The following SCEL variants were observed in gnomAD, a reference collection of about 807,000 sequenced individuals.
The protein encoded by SCEL is sciellin.
In SCEL, 113 loss-of-function variants were observed where a neutral mutation model predicts 117.6. The ratio of observed to expected loss-of-function variants is 0.96; its 90% CI spans 0.83 to 1.12. The LOEUF is 1.12. SCEL is among the 50% of genes most tolerant of loss of function. SCEL has a pLI of 0.00. For missense variants in SCEL, 785 were observed against 810.8 expected (o/e 0.97, Z 0.39); for synonymous variants, 270 against 256.2 (o/e 1.05, Z -0.51).
intron 5 of SCEL, among the ~76,000 whole-genome samples, chr13:77,564,897 C>T (rs1377142343): frequency 2.6e-5 from 4 of 152,162 alleles, no homozygotes; most frequent in Non-Finnish European, 5.9e-5. Context: ...TGGTCTTTCT[C>T]TTTTAAAAAT....
At chr13:77,593,295 T>TGTGTGTGTGTGTGCGCGCGC (rs796907419) in intron 11 of SCEL, among the ~76,000 whole-genome samples, 4 of 136,884 alleles carry the variant, frequency 2.9e-5, no homozygotes, top group South Asian at 4.8e-4. Context: ...TGTGTGTGTG[T>TGTGTGTGTGTGTGCGCGCGC]GTCTGTGTGT....
intron 31 of SCEL, among the ~76,000 whole-genome samples, chr13:77,641,751 T>C (rs1046344363): frequency 6.6e-6 from 1 of 152,168 alleles, no homozygotes; most frequent in Non-Finnish European, 1.5e-5. Flanking sequence ...AATGATCAAA[T>C]CCAGTCAAAG....
intron 1 of SCEL, among the ~76,000 whole-genome samples, chr13:77,541,197 A>G (rs897940305): frequency 2.0e-5 from 3 of 152,206 alleles, no homozygotes; most frequent in Non-Finnish European, 4.4e-5. Context: ...AGAAATCAGT[A>G]AGAAATATAT....
intron 1 of SCEL, among the ~76,000 whole-genome samples, chr13:77,553,537 C>T (rs1233661064): frequency 6.6e-6 from 1 of 152,154 alleles, no homozygotes; most frequent in African/African-American, 2.4e-5. Flanking sequence ...ACTAGTTGAG[C>T]TTTAAGTTTG....
intron 1 of SCEL, among the ~76,000 whole-genome samples, chr13:77,547,084 A>G (rs1268673574): frequency 6.6e-6 from 1 of 152,198 alleles, no homozygotes; most frequent in Non-Finnish European, 1.5e-5. Flanking sequence ...AATGGATATC[A>G]GATATGCAAT....
chr13:77,567,789 T>C lies in SCEL; in HGVS notation c.359+41T>C, dbSNP rs764844863. ...AACTATGGGAAAGGCTCAAGTATAA[T>C]ATTTTTCTAAGTGTTACCTATGTAC... On this transcript the variant is annotated intron_variant, in intron 6 of 32. Transcript: ENST00000349847. The C allele has an allele frequency of 3.8e-6, 5 of 1,309,760 alleles. No individual in the cohort carries two copies. The South Asian group carries it at 6.6e-5, about 17-fold the overall frequency. The allele number at this position is 1,309,760 out of a possible 1,614,324, so 81.1% of individuals were successfully genotyped here.
chr13:77,620,158 T>C (rs1460484146), intron 27 of SCEL, among the ~76,000 whole-genome samples: 2 of 152,204 alleles, frequency 1.3e-5, no homozygotes, highest in African/African-American at 4.8e-5. Flanking sequence ...TTTAGTAGTA[T>C]GCCAGATTTG....
intron 11 of SCEL, among the ~76,000 whole-genome samples, chr13:77,592,777 C>T (rs1046901599): frequency 6.6e-6 from 1 of 151,996 alleles, no homozygotes; most frequent in Admixed American, 6.6e-5. Context: ...GATGCCCAGG[C>T]TAATCTTAAA....
intron 15 of SCEL, among the ~76,000 whole-genome samples, chr13:77,601,427 C>T (rs1008738107): frequency 1.3e-5 from 2 of 152,016 alleles, no homozygotes; most frequent in African/African-American, 2.4e-5. Context: ...AGTCTTATCA[C>T]AGAGAAATCA....
At chr13:77,554,120 CA>C (rs1002022881) in intron 1 of SCEL, among the ~76,000 whole-genome samples, 12 of 152,190 alleles carry the variant, frequency 7.9e-5, no homozygotes, top group African/African-American at 2.4e-4. Flanking sequence ...GGGAGTGAGG[CA>C]GGGGGAGGCC....
chr13:77,616,002 CTCTG>C (rs200195605), intron 24 of SCEL, among the ~76,000 whole-genome samples: 18,209 of 141,726 alleles, frequency 0.13, 1,859 homozygotes, highest in East Asian at 0.44. Context: ...ATTTATGTCT[CTCTG>C]TGTGTGTGTG....
At chr13:77,637,922 C>A (rs1475511499) in intron 30 of SCEL, among the ~76,000 whole-genome samples, 1 of 152,094 alleles carries the variant, frequency 6.6e-6, no homozygotes, top group Non-Finnish European at 1.5e-5. Flanking sequence ...CAGTGGAGCA[C>A]CTAGGTGACA....
chr13:77,635,357 G>A (rs1027417378), intron 29 of SCEL, among the ~76,000 whole-genome samples: 1 of 152,066 alleles, frequency 6.6e-6, no homozygotes, highest in African/African-American at 2.4e-5. Context: ...AAACACTAAG[G>A]AGTTACTAAA....
chr13:77,575,041 C>T (rs542227174), intron 9 of SCEL, among the ~76,000 whole-genome samples: 42 of 152,158 alleles, frequency 2.8e-4, no homozygotes, highest in Non-Finnish European at 5.1e-4. Flanking sequence ...ATCAAACTTC[C>T]CTGTCATCCA....
At chr13:77,613,269 A>C (rs1277334688) in intron 23 of SCEL, among the ~76,000 whole-genome samples, 1 of 152,212 alleles carries the variant, frequency 6.6e-6, no homozygotes, top group Non-Finnish European at 1.5e-5. Flanking sequence ...CAAATCAGTA[A>C]ATATTGGCTT....
intron 1 of SCEL, among the ~76,000 whole-genome samples, chr13:77,554,225 A>G (rs764747891): frequency 2.0e-5 from 3 of 152,314 alleles, no homozygotes; most frequent in Admixed American, 6.5e-5. Flanking sequence ...AAGTGATTCT[A>G]TCTTGAGGCA....
chr13:77,590,158 G>A (rs1019071244), intron 10 of SCEL, among the ~76,000 whole-genome samples: 1 of 151,980 alleles, frequency 6.6e-6, no homozygotes, highest in Non-Finnish European at 1.5e-5. Context: ...CACAATTATA[G>A]AAATATTCTT....
intron 27 of SCEL, among the ~76,000 whole-genome samples, chr13:77,624,339 C>T (rs981510790): frequency 8.6e-5 from 13 of 151,934 alleles, no homozygotes; most frequent in African/African-American, 2.7e-4. Flanking sequence ...CTCCTGGCCT[C>T]GTGATCCACC....
intron 1 of SCEL, among the ~76,000 whole-genome samples, chr13:77,551,672 G>A (rs986354372): frequency 2.0e-5 from 3 of 151,832 alleles, no homozygotes; most frequent in Non-Finnish European, 2.9e-5. Context: ...TAAGGGCCTC[G>A]TTTTTTTGTT....
Sources: allele counts gnomAD v4.1 joint callset (sites outside exome capture counted in the v4.1 genomes callset), GRCh38; gene constraint gnomAD v4.1.1; transcripts MANE v1.5; gene names NCBI Gene and HGNC (gene_info 2026-07-23, HGNC 2026-07-21).